Variants in LYPD6B observed in about 807,000 individuals in gnomAD.
The protein encoded by LYPD6B is ly6/PLAUR domain-containing protein 6B.
In LYPD6B, 17 loss-of-function variants were observed where a neutral mutation model predicts 22.8. The observed-to-expected ratio is 0.75, with a 90% confidence interval of 0.51 to 1.12. The LOEUF (loss-of-function observed/expected upper bound fraction) is 1.12, where lower values mean the gene tolerates loss of function less well. LYPD6B is among the 50% of genes most tolerant of loss of function. LYPD6B has a pLI of 0.00. For missense variants in LYPD6B, 221 were observed against 258.3 expected, an observed-to-expected ratio of 0.86 and a Z score of 0.99; for synonymous variants, 106 against 91.6, an observed-to-expected ratio of 1.16 and a Z score of -0.90.
intron 3 of LYPD6B, among the ~76,000 whole-genome samples, chr2:149,194,028 G>A (rs1692652347): frequency 6.6e-6 from 1 of 152,090 alleles, no homozygotes; most frequent in African/African-American, 2.4e-5. Flanking sequence ...TTAATGATGT[G>A]CTTTAGTGAT....
chr2:149,132,234 G>T (rs1320363978), intron 2 of LYPD6B, among the ~76,000 whole-genome samples: 2 of 150,476 alleles, frequency 1.3e-5, no homozygotes, highest in African/African-American at 2.5e-5. Context: ...CCAGGGCCAT[G>T]CCAGATTCCC....
At chr2:149,175,677 T>G (rs1691240132) in intron 3 of LYPD6B, among the ~76,000 whole-genome samples, 1 of 151,620 alleles carries the variant, frequency 6.6e-6, no homozygotes, top group South Asian at 2.1e-4. Flanking sequence ...ACATCCTTAT[T>G]CTATCAGCCT....
intron 1 of LYPD6B, among the ~76,000 whole-genome samples, chr2:149,040,903 A>C (rs1574857736): frequency 6.6e-6 from 1 of 152,180 alleles, no homozygotes; most frequent in African/African-American, 2.4e-5. Context: ...TGCTCAACAT[A>C]TGCCAGGGCC....
At chr2:149,054,182 C>G (rs1325074652) in intron 1 of LYPD6B, among the ~76,000 whole-genome samples, 2 of 152,160 alleles carry the variant, frequency 1.3e-5, no homozygotes, top group African/African-American at 4.8e-5. Context: ...CAGACTGTTT[C>G]CAAAGCAGCT....
At chr2:149,044,723 A>G (rs1473852760) in intron 1 of LYPD6B, among the ~76,000 whole-genome samples, 5 of 152,068 alleles carry the variant, frequency 3.3e-5, no homozygotes, top group African/African-American at 1.2e-4. Flanking sequence ...ACTGTTAAGT[A>G]TGATGTTAGT....
At chr2:149,176,574 C>G (rs1289970207) in intron 3 of LYPD6B, among the ~76,000 whole-genome samples, 1 of 152,112 alleles carries the variant, frequency 6.6e-6, no homozygotes, top group Non-Finnish European at 1.5e-5. Context: ...TCTGCCTGCC[C>G]CCATGACATC....
At chr2:149,123,748 C>T (rs1219613189) in intron 1 of LYPD6B, among the ~76,000 whole-genome samples, 1 of 152,114 alleles carries the variant, frequency 6.6e-6, no homozygotes, top group Non-Finnish European at 1.5e-5. Context: ...CCCAGCTACT[C>T]ACTCGGGAGG....
chr2:149,070,808 G>A (rs554790942), intron 1 of LYPD6B, among the ~76,000 whole-genome samples: 117 of 152,298 alleles, frequency 7.7e-4, no homozygotes, highest in African/African-American at 2.7e-3. Context: ...GGCATGTTCT[G>A]TGAAACCAGT....
chr2:149,175,609 A>C (rs1405705081), intron 3 of LYPD6B, among the ~76,000 whole-genome samples: 1 of 152,056 alleles, frequency 6.6e-6, no homozygotes, highest in Non-Finnish European at 1.5e-5. Flanking sequence ...TTTCACAGTT[A>C]AGTAATAACA....
chr2:149,213,172 T>C (rs1314126191), intron 6 of LYPD6B, 50 bp downstream of exon 6: 1 of 1,604,112 alleles, frequency 6.2e-7, no homozygotes, highest in Admixed American at 1.7e-5. Context: ...CCTAGTAATG[T>C]AAGTCGTAGA....
At chr2:149,096,109 A>T (rs1685893157) in intron 1 of LYPD6B, among the ~76,000 whole-genome samples, 1 of 152,108 alleles carries the variant, frequency 6.6e-6, no homozygotes, top group East Asian at 1.9e-4. Flanking sequence ...CTACCAGAAG[A>T]CAGAGAAGAG....
chr2:149,189,342 T>TTTTATA (rs1553500263), intron 3 of LYPD6B, among the ~76,000 whole-genome samples: 92 of 66,106 alleles, frequency 1.4e-3, no homozygotes, highest in African/African-American at 5.6e-3. Context: ...TTGTCCAAAA[T>TTTTATA]TATATATATA....
At chr2:149,156,618 T>C (rs989760683) in intron 2 of LYPD6B, among the ~76,000 whole-genome samples, 12 of 152,156 alleles carry the variant, frequency 7.9e-5, no homozygotes, top group African/African-American at 2.7e-4. Context: ...CATCTGTATG[T>C]ACGTGTCCCG....
chr2:149,099,459 A>AGGATCCTTGGTCCCCTCGTACCTC (rs1686085800), intron 1 of LYPD6B, among the ~76,000 whole-genome samples: 1 of 151,394 alleles, frequency 6.6e-6, no homozygotes, highest in Non-Finnish European at 1.5e-5. Context: ...CCTCGTACCT[A>AGGATCCTTGGTCCCCTCGTACCTC]GGATCCTTGG....
intron 3 of LYPD6B, among the ~76,000 whole-genome samples, chr2:149,167,600 G>C (rs985977129): frequency 6.6e-6 from 1 of 152,172 alleles, no homozygotes; most frequent in Non-Finnish European, 1.5e-5. Context: ...TCAGAAAATT[G>C]TGGTTCACCA....
intron 3 of LYPD6B, among the ~76,000 whole-genome samples, chr2:149,178,269 C>G (rs1393064648): frequency 1.3e-5 from 2 of 152,314 alleles, no homozygotes; most frequent in Non-Finnish European, 1.5e-5. Flanking sequence ...GTCCATTGTT[C>G]TTTCCTCTAT....
intron 2 of LYPD6B, chr2:149,131,563 A>C (rs895278192): frequency 6.6e-6 from 1 of 152,338 alleles, no homozygotes; most frequent in Non-Finnish European, 1.5e-5. Context: ...ATAGGCCACT[A>C]ATTACTTTAG....
At chr2:149,076,794 C>T (rs1356957403) in intron 1 of LYPD6B, among the ~76,000 whole-genome samples, 1 of 152,070 alleles carries the variant, frequency 6.6e-6, no homozygotes, top group Non-Finnish European at 1.5e-5. Context: ...CTAAAAAAGA[C>T]CAAGAGTTGA....
intron 1 of LYPD6B, among the ~76,000 whole-genome samples, chr2:149,094,571 T>C (rs1394723483): frequency 1.3e-5 from 2 of 152,230 alleles, no homozygotes; most frequent in Non-Finnish European, 2.9e-5. Context: ...TAATTATGCA[T>C]TTCCTGTAAG....
Sources: allele counts gnomAD v4.1 joint callset (sites outside exome capture counted in the v4.1 genomes callset), GRCh38; gene constraint gnomAD v4.1.1; transcripts MANE v1.5; gene names NCBI Gene and HGNC (gene_info 2026-07-23, HGNC 2026-07-21).